DNAH5: variants seen among roughly 807,000 people sequenced by gnomAD.
DNAH5 encodes dynein axonemal heavy chain 5, also known as axonemal beta dynein heavy chain 5.
In DNAH5, 372 loss-of-function variants were observed where a neutral mutation model predicts 518.2. The ratio of observed to expected loss-of-function variants is 0.72; its 90% CI spans 0.66 to 0.78. The LOEUF (loss-of-function observed/expected upper bound fraction) is 0.78, where lower values mean the gene tolerates loss of function less well. Among genes scored for constraint, DNAH5 ranks in the 30% least tolerant of loss-of-function variants. DNAH5 has a pLI of 0.00. For missense variants in DNAH5, 5,523 were observed against 5,687.0 expected, an observed-to-expected ratio of 0.97 and a Z score of 0.93; for synonymous variants, 2,039 against 2,025.9, an observed-to-expected ratio of 1.01 and a Z score of -0.17.
At chr5:13,808,778 T>C (rs1370047965) in intron 46 of DNAH5, among the ~76,000 whole-genome samples, 3 of 151,970 alleles carry the variant, frequency 2.0e-5, no homozygotes, top group African/African-American at 4.8e-5. Context: ...GCTAACATGG[T>C]GAAACCCTGT....
At chr5:13,871,842 T>G in intron 22 of DNAH5, 77 bp from the exon 23 acceptor site, 4 of 1,255,530 alleles carry the variant, frequency 3.2e-6, no homozygotes, top group Non-Finnish European at 4.6e-6. Flanking sequence ...ATTTACCAAC[T>G]GCTGGTGGTT....
At chr5:13,715,125 G>A (rs983649189) in intron 74 of DNAH5, among the ~76,000 whole-genome samples, 1 of 152,114 alleles carries the variant, frequency 6.6e-6, no homozygotes, top group African/African-American at 2.4e-5. Flanking sequence ...AAGCAACAGA[G>A]TCAGAGAGAA....
At chr5:13,910,933 C>T (rs1775906513) in intron 12 of DNAH5, among the ~76,000 whole-genome samples, 1 of 152,178 alleles carries the variant, frequency 6.6e-6, no homozygotes, top group African/African-American at 2.4e-5. Flanking sequence ...CAAGTCCAAG[C>T]GGGGTCCAGG....
upstream of DNAH5, among the ~76,000 whole-genome samples, chr5:13,947,444 C>T (rs73061263): frequency 0.034 from 5,184 of 152,298 alleles, 118 homozygotes; most frequent in Middle Eastern, 0.11. Flanking sequence ...AATAAAACCA[C>T]TTACCTAAAA....
intron 32 of DNAH5, among the ~76,000 whole-genome samples, chr5:13,843,870 C>T (rs990426761): frequency 6.6e-6 from 1 of 152,220 alleles, no homozygotes; most frequent in African/African-American, 2.4e-5. Context: ...CTTAATGAAG[C>T]ACAATAATAA....
chr5:13,769,754 G>T (rs1753071732), intron 56 of DNAH5, 139 bp from the exon 57 acceptor site: 6 of 741,370 alleles, frequency 8.1e-6, no homozygotes, highest in Non-Finnish European at 1.4e-5. Context: ...AGAGGGCTTA[G>T]CAAAAAGGAT....
chr5:13,712,415 G>A (rs1561091657), intron 75 of DNAH5, among the ~76,000 whole-genome samples: 1 of 152,146 alleles, frequency 6.6e-6, no homozygotes, highest in Non-Finnish European at 1.5e-5. Context: ...CTTAGGCAAG[G>A]ATTTCATGAC....
chr5:13,881,180 C>T (rs1320864990), intron 21 of DNAH5, among the ~76,000 whole-genome samples: 1 of 151,882 alleles, frequency 6.6e-6, no homozygotes, highest in African/African-American at 2.4e-5. Flanking sequence ...AAGAGAGACA[C>T]AGACTAGAAC....
intron 65 of DNAH5, among the ~76,000 whole-genome samples, chr5:13,746,936 C>G (rs199846855): frequency 6.6e-6 from 1 of 151,854 alleles, no homozygotes; most frequent in Non-Finnish European, 1.5e-5. Flanking sequence ...ATGTGCACAA[C>G]GTGCAGGTTT....
At chr5:13,927,053 T>C (rs1477695432) in intron 3 of DNAH5, among the ~76,000 whole-genome samples, 1 of 152,134 alleles carries the variant, frequency 6.6e-6, no homozygotes, top group Non-Finnish European at 1.5e-5. Flanking sequence ...TTTTATCAAA[T>C]GGGTCATAAA....
intron 47 of DNAH5, among the ~76,000 whole-genome samples, chr5:13,804,032 T>G (rs1490836387): frequency 2.0e-5 from 3 of 151,946 alleles, no homozygotes; most frequent in African/African-American, 7.3e-5. Flanking sequence ...TTTGCTTTCT[T>G]CTTTTCACCT....
chr5:13,718,158 A>G (rs1744558373), intron 72 of DNAH5, among the ~76,000 whole-genome samples: 1 of 152,196 alleles, frequency 6.6e-6, no homozygotes, highest in Non-Finnish European at 1.5e-5. Flanking sequence ...AAATACAATA[A>G]TTATATTTAT....
chr5:13,884,245 G>C (rs1772066147), intron 19 of DNAH5, among the ~76,000 whole-genome samples: 1 of 152,068 alleles, frequency 6.6e-6, no homozygotes, highest in Non-Finnish European at 1.5e-5. Flanking sequence ...TGTAAGACTG[G>C]CTAACAAACC....
At chr5:13,742,507 T>G (rs1263029869) in intron 65 of DNAH5, among the ~76,000 whole-genome samples, 1 of 152,154 alleles carries the variant, frequency 6.6e-6, no homozygotes, top group Non-Finnish European at 1.5e-5. Flanking sequence ...ATCTTATTTC[T>G]ACTTGAGAAC....
chr5:13,912,506 G>A (rs1776130004), intron 11 of DNAH5, among the ~76,000 whole-genome samples: 1 of 151,120 alleles, frequency 6.6e-6, no homozygotes, highest in Admixed American at 6.6e-5. Flanking sequence ...ATATATGCAT[G>A]GAATGATACA....
intron 12 of DNAH5, among the ~76,000 whole-genome samples, chr5:13,902,774 A>C (rs1292093633): frequency 6.6e-6 from 1 of 152,194 alleles, no homozygotes; most frequent in Admixed American, 6.5e-5. Context: ...TCCAGGTTTA[A>C]ACTACACATG....
At chr5:13,792,645 A>G (rs1186882588) in intron 49 of DNAH5, among the ~76,000 whole-genome samples, 2 of 150,918 alleles carry the variant, frequency 1.3e-5, no homozygotes, top group Non-Finnish European at 3.0e-5. Flanking sequence ...GGCAATAAGG[A>G]ATAATTAAAA....
rs539181073 is a variant in DNAH5, at chr5:13,744,375, G to T, written c.11211+6703C>A. Among the ~76,000 whole-genome samples the T allele has an allele frequency of 4.6e-5, 7 of 151,964 alleles. No individual in the cohort carries two copies. The South Asian group carries it at 1.5e-3, about 31-fold the overall frequency. On this transcript the variant is annotated intron_variant, in intron 65 of 78. Coordinates refer to ENST00000265104, the MANE Select transcript of DNAH5 (RefSeq NM_001369.3). ...GGTGAGAGAGGGAGAGATTTGTTAA[G>T]ATACAAAATTACAGCTAGATAGGAC...
chr5:13,844,234 G>A (rs551105229), intron 32 of DNAH5, among the ~76,000 whole-genome samples: 25 of 152,310 alleles, frequency 1.6e-4, no homozygotes, highest in African/African-American at 5.5e-4. Flanking sequence ...AGAAATGGAT[G>A]TTACTAGGGG....
Sources: gnomAD v4.1 joint callset for allele counts (sites outside exome capture counted in the v4.1 genomes callset) on GRCh38, gnomAD v4.1.1 for gene constraint, MANE v1.5 for transcripts, NCBI Gene and HGNC (gene_info 2026-07-23, HGNC 2026-07-21) for gene names.